Variants in DNAH6 observed in about 807,000 individuals in gnomAD.
The protein encoded by DNAH6 is dynein axonemal heavy chain 6.
DNAH6 carries 340 observed loss-of-function variants against 491.4 expected under a neutral mutation model. The ratio of observed to expected loss-of-function variants is 0.69; its 90% confidence interval spans 0.63 to 0.76. DNAH6 has a LOEUF of 0.76. DNAH6 is among the 30% of genes least tolerant of loss of function. The probability of loss-of-function intolerance (pLI) is 0.00; values close to 1 mark genes in which losing one functional copy is unlikely to be tolerated. For synonymous variants in DNAH6, 1,603 were observed against 1,686.1 expected (o/e 0.95, Z 1.21); for missense variants, 4,443 against 4,972.2 (o/e 0.89, Z 3.20).
chr2:84,814,073 A>T lies in DNAH6; in HGVS notation c.12101A>T (p.Glu4034Val). 1 of 1,551,744 alleles carries T rather than the reference A, an allele frequency of 6.4e-7. No homozygotes were observed. Among genetic ancestry groups the T allele is most frequent in the Non-Finnish European group, 8.7e-7 (1 of 1,146,994 alleles). Residue 4034 changes from glutamate to valine, a missense_variant, in exon 75 of 77, where the codon GAA becomes GTA. By Grantham distance (121) the Glu-to-Val change is moderately radical. Transcript: ENST00000389394. ...TATCGGGATCAAGCTGCAGTGATAG[A>T]AGCTGCCAAGACAGTGCAATTTGGA... ...PTYRDQAAVI[E>V]AAKTVQFGQE... is the part of the protein sequence containing the mutation.
intron 61 of DNAH6, among the ~76,000 whole-genome samples, 178 bp from the exon 62 acceptor site, chr2:84,733,266 A>G (rs543587259): frequency 1.3e-5 from 2 of 152,222 alleles, no homozygotes; most frequent in African/African-American, 2.4e-5. Context: ...ACTTCTGTGC[A>G]AAGGTCCACA....
At chr2:84,682,944 G>A (rs1472097801) in intron 42 of DNAH6, among the ~76,000 whole-genome samples, 1 of 152,078 alleles carries the variant, frequency 6.6e-6, no homozygotes, top group Non-Finnish European at 1.5e-5. Flanking sequence ...CTGGATCCGG[G>A]CTCCCTCTCC....
At chr2:84,634,765 G>A in intron 30 of DNAH6, 124 bp downstream of exon 30, 1 of 1,205,472 alleles carries the variant, frequency 8.3e-7, no homozygotes, top group Non-Finnish European at 1.1e-6. Context: ...GAGCCCAAGG[G>A]GACCTTGGCT....
chr2:84,691,748 ATTTTCACATATCATGAAATATTACTCT>A (rs1214191730), intron 45 of DNAH6, among the ~76,000 whole-genome samples: 1 of 152,246 alleles, frequency 6.6e-6, no homozygotes, highest in Admixed American at 6.5e-5. Flanking sequence ...ATTTCAAAGG[ATTTTCACATATCATGAAATATTACTCT>A]TTAAAAATTT....
intron 64 of DNAH6, among the ~76,000 whole-genome samples, chr2:84,767,616 ATGAAT>A (rs755584636): frequency 6.6e-6 from 1 of 152,136 alleles, no homozygotes; most frequent in African/African-American, 2.4e-5. Flanking sequence ...TATCAATTTG[ATGAAT>A]TGAAAGTATG....
At chr2:84,551,416 T>G (rs929091448) in intron 9 of DNAH6, among the ~76,000 whole-genome samples, 1 of 152,222 alleles carries the variant, frequency 6.6e-6, no homozygotes, top group Admixed American at 6.5e-5. Flanking sequence ...ATATTATACT[T>G]TCCTTACTGC....
At chr2:84,641,321 C>G (rs1005950923) in intron 32 of DNAH6, among the ~76,000 whole-genome samples, 4 of 152,178 alleles carry the variant, frequency 2.6e-5, no homozygotes, top group African/African-American at 9.7e-5. Context: ...TTCCTACCCT[C>G]TGTTCTATCT....
chr2:84,661,998 T>A (rs1691551163), intron 37 of DNAH6, among the ~76,000 whole-genome samples: 1 of 152,156 alleles, frequency 6.6e-6, no homozygotes, highest in African/African-American at 2.4e-5. Flanking sequence ...TGAGGTGCTG[T>A]ACATGTTCTA....
At chr2:84,538,344 A>T (rs1035173193) in intron 4 of DNAH6, among the ~76,000 whole-genome samples, 2 of 152,104 alleles carry the variant, frequency 1.3e-5, no homozygotes, top group Admixed American at 6.6e-5. Flanking sequence ...TTTCTATTTG[A>T]TATTGTTTTG....
At chr2:84,524,247 T>G (rs1676407791) in intron 2 of DNAH6, among the ~76,000 whole-genome samples, 2 of 152,008 alleles carry the variant, frequency 1.3e-5, no homozygotes, top group South Asian at 4.1e-4. Flanking sequence ...TAAAGTCTGT[T>G]TTGTCTGAAA....
intron 67 of DNAH6, among the ~76,000 whole-genome samples, chr2:84,785,996 A>C (rs1415181693): frequency 1.3e-5 from 2 of 152,184 alleles, no homozygotes; most frequent in Non-Finnish European, 2.9e-5. Flanking sequence ...TGAATGCAGT[A>C]GGTTCAATTC....
In DNAH6 at chr2:84,694,321, A is replaced by G. The variant is rs1695171004; in HGVS notation, c.7365A>G (p.Ser2455=). 1.3e-6 allele frequency: 2 copies of G among 1,552,220 alleles called. No homozygotes were observed. Among genetic ancestry groups the G allele is most frequent in the African/African-American group, 1.4e-5 (1 of 73,076 alleles). ...LVGVGGTGKQ[S]LTRLAAHICG... ...GAGTAGGAGGCACAGGAAAGCAGTCACTCACGAGACTTGCAGCTCATATAT... is the reference window on the plus strand; with the variant it reads ...GAGTAGGAGGCACAGGAAAGCAGTCGCTCACGAGACTTGCAGCTCATATAT... Residue 2455 remains serine (S), a synonymous_variant, in exon 46 of 77, where the codon TCA becomes TCG. Coordinates refer to ENST00000389394, the MANE Select transcript of DNAH6 (RefSeq NM_001370.2).
In DNAH6 at chr2:84,604,425, G is replaced by C. The variant is rs1172655749; in HGVS notation, c.2955G>C (p.Val985=). ...AIEQTVDATL[V]DAEIPLTLER... ...AACAAACAGTTGATGCCACTCTAGT[G>C]GATGCTGAAATTCCATTAACCTTGG... The change falls in exon 19 of 77, where the codon GTG becomes GTC. Residue 985 remains valine, a synonymous_variant. Transcript: ENST00000389394. 5 of 1,552,064 alleles carry C rather than the reference G, an allele frequency of 3.2e-6. No homozygotes were observed. Among genetic ancestry groups the C allele is most frequent in the Middle Eastern group, 3.3e-4 (2 of 5,994 alleles).
At position 84,621,371 on chromosome 2, in the gene DNAH6, A is replaced by G. The variant is rs1395518714; in HGVS notation, c.3957+16A>G. 1.3e-6 allele frequency: 2 copies of G among 1,550,406 alleles called. No individual in the cohort carries two copies. The highest frequency in any genetic ancestry group is 1.7e-6 in the Non-Finnish European group (2 of 1,146,010). On this transcript the variant is annotated intron_variant, in intron 25 of 76. Coordinates refer to ENST00000389394, the MANE Select transcript of DNAH6 (RefSeq NM_001370.2). The stretch of plus-strand genomic sequence containing the variant: ...CCCTTCTCAAGTAACTCACACTCAC[A>G]TTTCATATCCCTGAATTCTTATTTG...
intron 33 of DNAH6, among the ~76,000 whole-genome samples, chr2:84,644,908 G>A (rs1378893782): frequency 6.6e-6 from 1 of 152,098 alleles, no homozygotes; most frequent in African/African-American, 2.4e-5. Context: ...ACATACACAT[G>A]CATATGTCTT....
chr2:84,490,769 C>T, the DNAH6 span, among the ~76,000 whole-genome samples: 1 of 152,102 alleles, frequency 6.6e-6, no homozygotes, highest in Non-Finnish European at 1.5e-5. Flanking sequence ...ACCATGTTGG[C>T]CATGCTGGTC....
At chr2:84,600,795 C>G (rs1209282276) in intron 18 of DNAH6, among the ~76,000 whole-genome samples, 1 of 151,710 alleles carries the variant, frequency 6.6e-6, no homozygotes. Context: ...TACTACTGCC[C>G]TTTCCATACT....
At chr2:84,707,770 CA>C (rs968517054) in intron 54 of DNAH6, 54 bp downstream of exon 54, 16 of 1,412,722 alleles carry the variant, frequency 1.1e-5, no homozygotes, top group Admixed American at 8.9e-5. Flanking sequence ...AAACTGGAGC[CA>C]GGGGTGGTTC....
intron 62 of DNAH6, among the ~76,000 whole-genome samples, chr2:84,735,717 TA>T (rs1056846219): frequency 2.6e-5 from 4 of 152,234 alleles, no homozygotes; most frequent in African/African-American, 2.4e-5. Context: ...GCCCACTTTT[TA>T]ATGGGCTTAT....
Sources: gnomAD v4.1 joint callset for allele counts (sites outside exome capture counted in the v4.1 genomes callset) on GRCh38, gnomAD v4.1.1 for gene constraint, MANE v1.5 for transcripts, NCBI Gene and HGNC (gene_info 2026-07-23, HGNC 2026-07-21) for gene names.